Variants in RTN4RL1 observed in about 807,000 individuals in gnomAD.
RTN4RL1 encodes reticulon-4 receptor-like 1.
A neutral mutation model predicts 25.6 loss-of-function variants in RTN4RL1; 7 were observed. The observed-to-expected ratio is 0.27, with a 90% CI of 0.16 to 0.51. The LOEUF (loss-of-function observed/expected upper bound fraction) is 0.51. RTN4RL1 is among the 20% of genes least tolerant of loss of function. The pLI, the probability that RTN4RL1 is intolerant of heterozygous loss-of-function variation, is 0.97. For missense variants in RTN4RL1, 500 were observed against 615.6 expected, an observed-to-expected ratio of 0.81 and a Z score of 1.99; for synonymous variants, 297 against 288.2, an observed-to-expected ratio of 1.03 and a Z score of -0.31.
chr17:1,999,439 C>G (rs1447769592), intron 1 of RTN4RL1, among the ~76,000 whole-genome samples: 1 of 137,570 alleles, frequency 7.3e-6, no homozygotes, highest in Non-Finnish European at 1.6e-5. Context: ...GAGCAAGACT[C>G]CGTCTCGAAA....
intron 1 of RTN4RL1, among the ~76,000 whole-genome samples, chr17:1,951,832 C>T (rs943476969): frequency 1.3e-5 from 2 of 152,182 alleles, no homozygotes; most frequent in African/African-American, 2.4e-5. Flanking sequence ...GACAGAGAAG[C>T]GCCCCACTGA....
At chr17:2,006,555 T>A (rs2066997389) in intron 1 of RTN4RL1, among the ~76,000 whole-genome samples, 1 of 151,876 alleles carries the variant, frequency 6.6e-6, no homozygotes, top group Non-Finnish European at 1.5e-5. Context: ...CAGGCTCAAG[T>A]GACCCTCCCG....
chr17:1,978,277 G>A (rs1041784744), intron 1 of RTN4RL1, among the ~76,000 whole-genome samples: 6 of 152,214 alleles, frequency 3.9e-5, no homozygotes, highest in Non-Finnish European at 5.9e-5. Context: ...GGCCTCCAGG[G>A]TCCCCACCCC....
At chr17:1,965,922 C>T (rs1387927113) in intron 1 of RTN4RL1, among the ~76,000 whole-genome samples, 2 of 152,142 alleles carry the variant, frequency 1.3e-5, no homozygotes, top group Non-Finnish European at 2.9e-5. Context: ...CGCTCTCTTT[C>T]CCTGCTTCAA....
chr17:2,002,277 CT>C (rs990298658), intron 1 of RTN4RL1, among the ~76,000 whole-genome samples: 3 of 147,338 alleles, frequency 2.0e-5, no homozygotes, highest in African/African-American at 7.5e-5. Flanking sequence ...CTCTCTTTCT[CT>C]TTTTTTTAAT....
At chr17:2,001,927 T>G (rs1268895136) in intron 1 of RTN4RL1, among the ~76,000 whole-genome samples, 4 of 146,286 alleles carry the variant, frequency 2.7e-5, no homozygotes, top group South Asian at 2.2e-4. Flanking sequence ...ACTTCAGCCC[T>G]GGGGGAGGGG....
intron 1 of RTN4RL1, among the ~76,000 whole-genome samples, chr17:1,986,831 C>T (rs1232483181): frequency 3.3e-5 from 5 of 152,088 alleles, no homozygotes; most frequent in Non-Finnish European, 4.4e-5. Flanking sequence ...CCCTGCCCCC[C>T]GACCCAGGCC....
At chr17:2,020,985 C>A (rs1338040696) in intron 1 of RTN4RL1, among the ~76,000 whole-genome samples, 2 of 152,162 alleles carry the variant, frequency 1.3e-5, no homozygotes, top group Non-Finnish European at 2.9e-5. Context: ...TGCCTCTCAC[C>A]TCTTAACCAG....
chr17:1,943,543 C>G (rs993439708), intron 1 of RTN4RL1, among the ~76,000 whole-genome samples: 2 of 152,238 alleles, frequency 1.3e-5, no homozygotes, highest in Non-Finnish European at 2.9e-5. Context: ...TCCCCCTCCC[C>G]GCTTTCCCAG....
In RTN4RL1 at chr17:2,020,924, G is replaced by A. The variant is rs77791237; in HGVS notation, c.13+3929C>T. ...GGCAAAGCAAACCCCCCAGCGGGCC[G>A]CCCTTCCTTCCTGGATGTTGCCGGG... On this transcript the variant is annotated intron_variant, in intron 1 of 1. Coordinates refer to ENST00000331238, the MANE Select transcript of RTN4RL1 (RefSeq NM_178568.4). 8.3e-3 allele frequency among the ~76,000 whole-genome samples: 1,264 copies of A among 152,310 alleles called. 15 individuals carry two copies. Among genetic ancestry groups the A allele is most frequent in the African/African-American group, 0.029 (1,220 of 41,570 alleles).
intron 1 of RTN4RL1, among the ~76,000 whole-genome samples, chr17:1,981,945 C>A (rs922828812): frequency 1.3e-5 from 2 of 152,260 alleles, no homozygotes. Context: ...AGGCTACAAA[C>A]CTGCACAGCA....
rs1915323197 is a variant in RTN4RL1 at position 1,937,052 on chromosome 17, C to A, written c.770G>T (p.Trp257Leu). 1 of 1,605,398 alleles carries A rather than the reference C, an allele frequency of 6.2e-7. No individual in the cohort carries two copies. The highest frequency in any genetic ancestry group is 8.5e-7 in the Non-Finnish European group (1 of 1,177,790). ...GGAGCGCGCGCGACAACCACAGTCC[C>A]AGGGGTTGCCGTTGAGGCGGAGGAA... ...LEFLRLNGNP[W>L]DCGCRARSLW... Residue 257 changes from tryptophan to leucine, a missense_variant, in exon 2 of 2, where the codon TGG (tryptophan) becomes TTG (leucine). Physicochemically the swap from Trp to Leu is moderately conservative, Grantham distance 61. This residue lies in a region of RTN4RL1 where 268 missense variants were observed against 274.5 expected (regional missense o/e 0.98). Coordinates refer to ENST00000331238, the MANE Select transcript of RTN4RL1 (RefSeq NM_178568.4).
intron 1 of RTN4RL1, among the ~76,000 whole-genome samples, chr17:1,964,595 G>C (rs1022803353): frequency 9.9e-5 from 15 of 151,824 alleles, no homozygotes; most frequent in African/African-American, 3.6e-4. Context: ...AGCCGGGCGT[G>C]GTGGCGGGCG....
chr17:2,012,381 G>GC (rs2067061303), intron 1 of RTN4RL1, among the ~76,000 whole-genome samples: 3 of 152,218 alleles, frequency 2.0e-5, no homozygotes, highest in African/African-American at 7.2e-5. Context: ...CTAAGGCCCT[G>GC]CCCAAGCTAC....
intron 1 of RTN4RL1, among the ~76,000 whole-genome samples, chr17:1,956,102 G>A (rs909663162): frequency 6.6e-6 from 1 of 151,840 alleles, no homozygotes; most frequent in African/African-American, 2.4e-5. Flanking sequence ...TCTGTATCCC[G>A]CATTTTCTAC....
At chr17:2,011,822 C>CA (rs1446132389) in intron 1 of RTN4RL1, among the ~76,000 whole-genome samples, 2 of 152,176 alleles carry the variant, frequency 1.3e-5, no homozygotes, top group Non-Finnish European at 2.9e-5. Context: ...ACTGCCACCC[C>CA]ACGAGTCACG....
chr17:1,956,586 A>G (rs1217695215), intron 1 of RTN4RL1, among the ~76,000 whole-genome samples: 1 of 152,146 alleles, frequency 6.6e-6, no homozygotes, highest in Non-Finnish European at 1.5e-5. Context: ...GACAGACTGT[A>G]ATTTATTTAT....
At chr17:2,006,977 G>A (rs372126489) in intron 1 of RTN4RL1, among the ~76,000 whole-genome samples, 78 of 151,962 alleles carry the variant, frequency 5.1e-4, no homozygotes, top group Non-Finnish European at 9.0e-4. Flanking sequence ...AGAGGTTGGC[G>A]ATGGGGTCCT....
At chr17:1,991,961 G>A (rs1279443021) in intron 1 of RTN4RL1, among the ~76,000 whole-genome samples, 2 of 152,190 alleles carry the variant, frequency 1.3e-5, no homozygotes, top group African/African-American at 2.4e-5. Context: ...CTCCAGAAGA[G>A]GAGAGACGTG....
Sources: allele counts gnomAD v4.1 joint callset (sites outside exome capture counted in the v4.1 genomes callset), GRCh38; gene constraint gnomAD v4.1.1; regional missense constraint gnomAD v4.1.1; transcripts MANE v1.5; gene names NCBI Gene and HGNC (gene_info 2026-07-23, HGNC 2026-07-21).